NARF: variants seen among roughly 807,000 people sequenced by gnomAD.
NARF encodes iron-only hydrogenase-like protein 2.
NARF carries 41 observed loss-of-function variants against 48.0 expected under a neutral mutation model. The ratio of observed to expected loss-of-function variants is 0.85; its 90% CI spans 0.66 to 1.11. The LOEUF (loss-of-function observed/expected upper bound fraction) is 1.11, where lower values mean the gene tolerates loss of function less well. Among genes scored for constraint, NARF ranks in the 50% least tolerant of loss-of-function variants. The pLI is 0.00. For synonymous variants in NARF, 215 were observed against 225.5 expected (o/e 0.95, Z 0.42); for missense variants, 613 against 590.2 (o/e 1.04, Z -0.40).
intron 10 of NARF, among the ~76,000 whole-genome samples, chr17:82,486,819 T>C (rs1297489728): frequency 1.3e-5 from 2 of 152,168 alleles, no homozygotes; most frequent in African/African-American, 4.8e-5. Context: ...GGAAATTTGC[T>C]CCAGATTGTT....
intron 4 of NARF, among the ~76,000 whole-genome samples, chr17:82,471,920 C>A (rs1296868774): frequency 6.6e-6 from 1 of 151,584 alleles, no homozygotes; most frequent in Non-Finnish European, 1.5e-5. Flanking sequence ...GCTGTGGGTA[C>A]GTTGTAATAT....
At chr17:82,464,044 CT>C (rs1189767758) in intron 2 of NARF, 1 of 466,432 alleles carries the variant, frequency 2.1e-6, no homozygotes, top group Non-Finnish European at 3.8e-6. Flanking sequence ...GGGTTCCACC[CT>C]TGTCATCTGC....
chr17:82,467,289 C>T (rs1283869159), intron 3 of NARF, among the ~76,000 whole-genome samples: 1 of 151,842 alleles, frequency 6.6e-6, no homozygotes, highest in Non-Finnish European at 1.5e-5. Context: ...TCAGGCTATC[C>T]ACCAGCCCCG....
intron 4 of NARF, 106 bp downstream of exon 4, chr17:82,469,002 C>T: frequency 1.6e-6 from 2 of 1,267,868 alleles, no homozygotes; most frequent in Non-Finnish European, 2.2e-6. Context: ...TAAGCAACTT[C>T]CAAAAGAGTC....
At chr17:82,469,592 GTTGT>G (rs567739106) in intron 4 of NARF, among the ~76,000 whole-genome samples, 243 of 151,840 alleles carry the variant, frequency 1.6e-3, no homozygotes, top group Non-Finnish European at 1.7e-3. Context: ...GGTTTTTTTT[GTTGT>G]TTGTTTGTTT....
chr17:82,475,686 G>A (rs1385767210), intron 5 of NARF, among the ~76,000 whole-genome samples: 2 of 152,176 alleles, frequency 1.3e-5, no homozygotes, highest in Non-Finnish European at 2.9e-5. Flanking sequence ...GAAGAGAAAG[G>A]ATTTGGTGAC....
upstream of NARF, chr17:82,458,720 C>T: frequency 7.0e-7 from 1 of 1,424,620 alleles, no homozygotes; most frequent in Non-Finnish European, 9.1e-7. Context: ...CAACAAAGGG[C>T]CGCGGGCGGC....
rs570697732 is a variant in NARF at position 82,481,991 on chromosome 17, T to C, written c.769+780T>C. ...CGGTATTGGCCACTCCTTTCAGATG[T>C]TAAGAGCCTACAGTGAGTTCTGTGT... On this transcript the variant is annotated intron_variant, in intron 7 of 10. Transcript: ENST00000309794. 866 of 301,410 alleles carry C rather than the reference T, an allele frequency of 2.9e-3. 6 individuals carry two copies. The highest frequency in any genetic ancestry group is 6.9e-3 in the Middle Eastern group (16 of 2,326). The allele number at this position is 301,410 out of a possible 1,614,324, so 18.7% of individuals were successfully genotyped here. A position where few individuals can be genotyped will look rare whatever the true frequency, so the allele number is the denominator to read the frequency against.
intron 2 of NARF, 82 bp downstream of exon 2, chr17:82,460,154 C>A: frequency 8.4e-7 from 1 of 1,191,386 alleles, no homozygotes. Context: ...CAGCACCGTG[C>A]ACATCACTGC....
intron 2 of NARF, among the ~76,000 whole-genome samples, chr17:82,462,296 T>TGGA (rs2043457084): frequency 6.6e-6 from 1 of 151,960 alleles, no homozygotes; most frequent in Admixed American, 6.6e-5. Flanking sequence ...GAGGAGGGTG[T>TGGA]GGACAGACGT....
chr17:82,470,917 C>T (rs1032710402), intron 4 of NARF, among the ~76,000 whole-genome samples: 8 of 151,946 alleles, frequency 5.3e-5, no homozygotes, highest in Non-Finnish European at 1.0e-4. Flanking sequence ...AATCCCAGCA[C>T]TTTGGGAGGC....
At chr17:82,459,273 A>T (rs1023724389) in intron 1 of NARF, 87 of 803,746 alleles carry the variant, frequency 1.1e-4, no homozygotes, top group Non-Finnish European at 1.2e-4. Context: ...GGTTGTCTCC[A>T]GGCCATGGCA....
intron 4 of NARF, among the ~76,000 whole-genome samples, chr17:82,471,070 C>A (rs2043688663): frequency 6.6e-6 from 1 of 150,780 alleles, no homozygotes. Flanking sequence ...GGCTGAGGCA[C>A]AAGAATCGCT....
At chr17:82,480,311 ACT>A (rs1555629566) in intron 6 of NARF, 2 of 399,046 alleles carry the variant, frequency 5.0e-6, no homozygotes, top group African/African-American at 2.1e-5. Context: ...ACACACACAC[ACT>A]CACTCAGGCC....
chr17:82,485,600 C>A lies in NARF; in HGVS notation c.1075C>A (p.Leu359Ile), dbSNP rs763716743. Residue 359 changes from leucine to isoleucine, a missense_variant, in exon 10 of 11, where the codon CTT (leucine) becomes ATT (isoleucine). Physicochemically the swap from Leu to Ile is conservative, Grantham distance 5. Coordinates refer to ENST00000309794, the MANE Select transcript of NARF (RefSeq NM_012336.4). ...FRNIQNMILK[L>I]KKGKFPFHFV... ...AAACATCCAGAACATGATCCTGAAG[C>A]TTAAGAAGGGCAAGTTCCCATTCCA... The A allele has an allele frequency of 3.7e-6, 6 of 1,614,188 alleles. No homozygotes were observed. Among genetic ancestry groups the A allele is most frequent in the Non-Finnish European group, 5.1e-6 (6 of 1,180,044 alleles).
At chr17:82,469,770 T>C (rs746670891) in intron 4 of NARF, among the ~76,000 whole-genome samples, 4 of 152,126 alleles carry the variant, frequency 2.6e-5, no homozygotes, top group African/African-American at 4.8e-5. Flanking sequence ...CACTCCCGGC[T>C]AATTTTTGTA....
At position 82,485,652 on chromosome 17, in the gene NARF, G is replaced by A; in HGVS notation, c.1127G>A (p.Gly376Glu). 6.2e-7 allele frequency: 1 copy of A among 1,613,930 alleles called. No homozygotes were observed. Among genetic ancestry groups the A allele is most frequent in the Non-Finnish European group, 8.5e-7 (1 of 1,179,958 alleles). Residue 376 changes from glycine (G) to glutamate (E), a missense_variant and splice_region_variant, in exon 10 of 11, where the codon GGA becomes GAA. Coordinates refer to ENST00000309794, the MANE Select transcript of NARF (RefSeq NM_012336.4). ...TTTGTGGAGGTCCTCGCCTGTGCTG[G>A]AGGTGAGGCGCCAAGAGCAGCACCT... Reference protein sequence around the residue: ...FHFVEVLACAGGCLNGRGQAQ... With the variant: ...FHFVEVLACAEGCLNGRGQAQ...
At chr17:82,458,712 A>G (rs748494018), upstream of NARF, 1 of 1,414,562 alleles carries the variant, frequency 7.1e-7, no homozygotes, top group East Asian at 2.9e-5. Context: ...GGGGAGGACA[A>G]CAAAGGGCCG....
Position 82,471,386 on chromosome 17 carries a change from C to G in NARF, c.386-1178C>G, listed in dbSNP as rs1475946966. ...AGGAGAATGGTGTGAACCTGGGAGGCGGAGCTTGCAGTGAGCCGAGATCAC... is the reference window on the plus strand; with the variant it reads ...AGGAGAATGGTGTGAACCTGGGAGGGGGAGCTTGCAGTGAGCCGAGATCAC... On this transcript the variant is annotated intron_variant, in intron 4 of 10. Transcript: ENST00000309794. 2.1e-5 allele frequency among the ~76,000 whole-genome samples: 3 copies of G among 139,598 alleles called. No individual in the cohort carries two copies. The East Asian group carries it at 6.4e-4, about 30-fold the overall frequency. The allele number at this position is 139,598 out of a possible 152,430, so 91.6% of individuals were successfully genotyped here. A position where few individuals can be genotyped will look rare whatever the true frequency, so the allele number is the denominator to read the frequency against.
Sources: allele counts gnomAD v4.1 joint callset (sites outside exome capture counted in the v4.1 genomes callset), GRCh38; gene constraint gnomAD v4.1.1; transcripts MANE v1.5; gene names NCBI Gene and HGNC (gene_info 2026-07-23, HGNC 2026-07-21).